Variants in NR6A1 observed in about 807,000 individuals in gnomAD.
NR6A1 encodes the protein retinoic acid receptor-related testis-associated receptor.
NR6A1 carries 7 observed loss-of-function variants against 59.1 expected under a neutral mutation model. That is an observed-to-expected ratio of 0.12 (90% CI 0.07 to 0.22). NR6A1 has a LOEUF of 0.22. Among genes scored for constraint, NR6A1 ranks in the 10% least tolerant of loss-of-function variants. The probability of loss-of-function intolerance (pLI) is 1.00; values close to 1 mark genes in which losing one functional copy is unlikely to be tolerated. For missense variants in NR6A1, 468 were observed against 611.6 expected, an observed-to-expected ratio of 0.77 and a Z score of 2.48; for synonymous variants, 243 against 236.1, an observed-to-expected ratio of 1.03 and a Z score of -0.27.
Position 124,771,152 on chromosome 9 carries a change from T to G in NR6A1, c.-33A>C. The G allele has an allele frequency of 8.7e-7, 1 of 1,148,570 alleles. No homozygotes were observed. The highest frequency in any genetic ancestry group is 1.1e-6 in the Non-Finnish European group (1 of 911,836). The allele number at this position is 1,148,570 out of a possible 1,614,324, so 71.1% of individuals were successfully genotyped here. A position where few individuals can be genotyped will look rare whatever the true frequency, so the allele number is the denominator to read the frequency against. ...TGCCTAGGGTCCGCGCCGGGTTTGT[T>G]GCTCCGCCATGACCGGCGCCCTAGT... On this transcript the variant is annotated 5_prime_UTR_variant, in exon 1 of 10. Transcript: ENST00000487099.
At position 124,518,572 on chromosome 9, in the gene NR6A1, C is replaced by A. The variant is rs1471416246; in HGVS notation, c.*4133G>T. On this transcript the variant is annotated 3_prime_UTR_variant, in exon 10 of 10. Transcript: ENST00000487099. ...TGGTGGAATGACTGCCGTTTCTCATCCTGACACACAGATAAAACATCATTT... is the reference window on the plus strand; with the variant it reads ...TGGTGGAATGACTGCCGTTTCTCATACTGACACACAGATAAAACATCATTT... 1.3e-5 allele frequency: 2 copies of A among 152,052 alleles called. No individual in the cohort carries two copies. Among genetic ancestry groups the A allele is most frequent in the Non-Finnish European group, 2.9e-5 (2 of 68,032 alleles). The allele number at this position is 152,052 out of a possible 1,614,324, so 9.4% of individuals were successfully genotyped here. A position where few individuals can be genotyped will look rare whatever the true frequency, so the allele number is the denominator to read the frequency against.
intron 2 of NR6A1, among the ~76,000 whole-genome samples, chr9:124,714,665 GAACT>G (rs746244922): frequency 1.3e-5 from 2 of 151,920 alleles, no homozygotes; most frequent in Admixed American, 6.6e-5. Flanking sequence ...AAAGTTACTA[GAACT>G]AACAAATTTA....
At chr9:124,730,858 G>A (rs1010866999) in intron 2 of NR6A1, among the ~76,000 whole-genome samples, 4 of 152,126 alleles carry the variant, frequency 2.6e-5, no homozygotes, top group African/African-American at 9.7e-5. Flanking sequence ...TTTATAAAAT[G>A]TCCTTTCAAA....
rs777476350 is a variant in NR6A1 at position 124,517,759 on chromosome 9, C to A, written c.*4946G>T. ...GGGTAGGTGGGAAGGAATCCCCAGA[C>A]ACAGCCCAGACATCACAATGCAGCC... On this transcript the variant is annotated 3_prime_UTR_variant, in exon 10 of 10. Coordinates refer to ENST00000487099, the MANE Select transcript of NR6A1 (RefSeq NM_033334.4). 6.6e-6 allele frequency: 1 copy of A among 152,210 alleles called. No individual in the cohort carries two copies. The highest frequency in any genetic ancestry group is 1.5e-5 in the Non-Finnish European group (1 of 68,102). 9.4% of individuals were successfully genotyped at this position (152,210 alleles called of 1,614,324 possible). A position where few individuals can be genotyped will look rare whatever the true frequency, so the allele number is the denominator to read the frequency against.
At chr9:124,659,305 A>G (rs1328983118) in intron 2 of NR6A1, among the ~76,000 whole-genome samples, 2 of 152,250 alleles carry the variant, frequency 1.3e-5, no homozygotes, top group Admixed American at 6.5e-5. Flanking sequence ...GGGTAGGGAC[A>G]TGGATGTGTG....
intron 2 of NR6A1, among the ~76,000 whole-genome samples, chr9:124,576,863 C>G (rs1415432991): frequency 1.3e-5 from 2 of 152,108 alleles, no homozygotes; most frequent in African/African-American, 4.8e-5. Flanking sequence ...TTGAGACCAG[C>G]TTGGGCAACA....
intron 1 of NR6A1, among the ~76,000 whole-genome samples, chr9:124,737,980 G>A (rs1005811833): frequency 6.6e-6 from 1 of 152,194 alleles, no homozygotes; most frequent in Non-Finnish European, 1.5e-5. Context: ...ATTAGGCGGG[G>A]CGTGGTAGCT....
chr9:124,655,343 T>C (rs1242244255), intron 2 of NR6A1, among the ~76,000 whole-genome samples: 1 of 152,198 alleles, frequency 6.6e-6, no homozygotes, highest in African/African-American at 2.4e-5. Flanking sequence ...TCTGAGGCCT[T>C]TGACAAGTTC....
At chr9:124,567,543 T>C (rs1337095778) in intron 2 of NR6A1, among the ~76,000 whole-genome samples, 4 of 151,920 alleles carry the variant, frequency 2.6e-5, no homozygotes, top group African/African-American at 7.3e-5. Context: ...AGCAGGAGGA[T>C]AGCTTGAGCC....
intron 2 of NR6A1, among the ~76,000 whole-genome samples, chr9:124,711,677 C>A (rs1225417886): frequency 2.0e-5 from 3 of 152,172 alleles, no homozygotes. Context: ...AACCTTCTGT[C>A]CCTATTACCT....
chr9:124,738,950 C>T (rs1455195417), intron 1 of NR6A1, among the ~76,000 whole-genome samples: 1 of 151,088 alleles, frequency 6.6e-6, no homozygotes, highest in Non-Finnish European at 1.5e-5. Context: ...TGCAGTGAGC[C>T]AGGATCACCC....
intron 2 of NR6A1, chr9:124,658,847 T>C (rs1837337043): frequency 6.6e-6 from 1 of 152,154 alleles, no homozygotes; most frequent in Non-Finnish European, 1.5e-5. Flanking sequence ...TGGAATACTG[T>C]CAGTGGATTT....
intron 2 of NR6A1, among the ~76,000 whole-genome samples, chr9:124,574,605 CGTT>C (rs1215940363): frequency 1.3e-5 from 2 of 152,208 alleles, no homozygotes; most frequent in Non-Finnish European, 2.9e-5. Flanking sequence ...TGCTCCCTCC[CGTT>C]TTCCACCAAG....
intron 2 of NR6A1, among the ~76,000 whole-genome samples, chr9:124,697,506 G>T (rs1233928896): frequency 6.6e-6 from 1 of 152,060 alleles, no homozygotes; most frequent in Non-Finnish European, 1.5e-5. Flanking sequence ...GACTTCAAGG[G>T]TATGTGTAAC....
At chr9:124,608,180 A>G (rs892305503) in intron 2 of NR6A1, among the ~76,000 whole-genome samples, 1 of 152,234 alleles carries the variant, frequency 6.6e-6, no homozygotes, top group Non-Finnish European at 1.5e-5. Context: ...TTCAGGGTAC[A>G]TGTGCAGGTT....
intron 1 of NR6A1, among the ~76,000 whole-genome samples, chr9:124,756,288 G>A (rs1348407297): frequency 6.6e-6 from 1 of 152,204 alleles, no homozygotes; most frequent in African/African-American, 2.4e-5. Context: ...CTATAGTTGA[G>A]AGAAAGAGCA....
At chr9:124,744,583 C>T (rs1840270693) in intron 1 of NR6A1, among the ~76,000 whole-genome samples, 2 of 152,184 alleles carry the variant, frequency 1.3e-5, no homozygotes, top group South Asian at 4.1e-4. Flanking sequence ...AAAGAGCAAC[C>T]CTGATGCTCC....
At chr9:124,604,936 A>C (rs78426197) in intron 2 of NR6A1, among the ~76,000 whole-genome samples, 1,565 of 152,372 alleles carry the variant, frequency 0.01, 26 homozygotes, top group African/African-American at 0.036. Flanking sequence ...TCTTTATAGA[A>C]GCATTCCAGA....
chr9:124,652,209 C>T (rs1438299396), intron 2 of NR6A1, among the ~76,000 whole-genome samples: 1 of 152,268 alleles, frequency 6.6e-6, no homozygotes, highest in Non-Finnish European at 1.5e-5. Context: ...TATTTCCACA[C>T]TGTTGGATTT....
Sources: gnomAD v4.1 joint callset for allele counts (sites outside exome capture counted in the v4.1 genomes callset) on GRCh38, gnomAD v4.1.1 for gene constraint, MANE v1.5 for transcripts, NCBI Gene and HGNC (gene_info 2026-07-23, HGNC 2026-07-21) for gene names.